RCOR1: variants seen among roughly 807,000 people sequenced by gnomAD.
RCOR1 encodes REST corepressor.
RCOR1 carries 12 observed loss-of-function variants against 64.0 expected under a neutral mutation model. That is an observed-to-expected ratio of 0.19 (90% CI 0.12 to 0.30). The LOEUF (loss-of-function observed/expected upper bound fraction) is 0.30, where lower values mean the gene tolerates loss of function less well. Ranked by LOEUF, RCOR1 falls within the 10% of genes least tolerant of loss-of-function variation. The probability of loss-of-function intolerance (pLI) is 1.00; values close to 1 mark genes in which losing one functional copy is unlikely to be tolerated. For synonymous variants in RCOR1, 279 were observed against 227.2 expected, an observed-to-expected ratio of 1.23 and a Z score of -2.05; for missense variants, 502 against 621.2, an observed-to-expected ratio of 0.81 and a Z score of 2.04.
intron 4 of RCOR1, among the ~76,000 whole-genome samples, chr14:102,705,118 A>G (rs1258526965): frequency 2.0e-5 from 3 of 151,978 alleles, no homozygotes; most frequent in Admixed American, 6.6e-5. Flanking sequence ...TATATCAACA[A>G]CAACAACAAC....
At chr14:102,654,050 A>G (rs1236929200) in intron 2 of RCOR1, among the ~76,000 whole-genome samples, 7 of 131,092 alleles carry the variant, frequency 5.3e-5, no homozygotes, top group African/African-American at 8.9e-5. Context: ...CAGTGGTGCG[A>G]TCTCCACTCA....
At chr14:102,719,168 T>C (rs942390645) in intron 8 of RCOR1, among the ~76,000 whole-genome samples, 2 of 152,008 alleles carry the variant, frequency 1.3e-5, no homozygotes, top group Non-Finnish European at 2.9e-5. Flanking sequence ...CTGCAACCCC[T>C]GCCTCCCAGA....
At chr14:102,672,899 C>T (rs1895057763) in intron 2 of RCOR1, among the ~76,000 whole-genome samples, 1 of 152,176 alleles carries the variant, frequency 6.6e-6, no homozygotes, top group South Asian at 2.1e-4. Flanking sequence ...CAGAGTAGAA[C>T]TGAAAATATA....
At chr14:102,644,037 G>C (rs1894428489) in intron 2 of RCOR1, among the ~76,000 whole-genome samples, 1 of 152,162 alleles carries the variant, frequency 6.6e-6, no homozygotes, top group Non-Finnish European at 1.5e-5. Flanking sequence ...GAGGATTTAG[G>C]AAGACATCAG....
intron 2 of RCOR1, chr14:102,649,823 G>A (rs1173178438): frequency 5.4e-5 from 53 of 973,326 alleles, no homozygotes; most frequent in Non-Finnish European, 6.5e-5. Context: ...ATTGGCATTA[G>A]GAATGATCCT....
intron 3 of RCOR1, among the ~76,000 whole-genome samples, chr14:102,693,781 C>G (rs760045304): frequency 1.3e-5 from 2 of 152,136 alleles, no homozygotes; most frequent in Non-Finnish European, 2.9e-5. Flanking sequence ...CAATTTGATG[C>G]AGGTAGCTTG....
chr14:102,714,764 C>A, intron 8 of RCOR1, 147 bp downstream of exon 8: 1 of 587,576 alleles, frequency 1.7e-6, no homozygotes, highest in South Asian at 3.0e-5. Flanking sequence ...AAGTACCAGC[C>A]CATTGTTTTT....
At chr14:102,593,421 T>C (rs1893175983) in intron 2 of RCOR1, 96 bp downstream of exon 2, 1 of 1,298,638 alleles carries the variant, frequency 7.7e-7, no homozygotes, top group Non-Finnish European at 1.0e-6. Context: ...ACAACTTTCT[T>C]TTTGTGCGTT....
At chr14:102,709,272 A>G (rs1044438110) in intron 6 of RCOR1, among the ~76,000 whole-genome samples, 2 of 152,164 alleles carry the variant, frequency 1.3e-5, no homozygotes, top group Non-Finnish European at 2.9e-5. Context: ...TGACTTCAAC[A>G]TGCGTCTTCC....
At chr14:102,677,349 CA>C (rs1895202771) in intron 2 of RCOR1, among the ~76,000 whole-genome samples, 1 of 140,630 alleles carries the variant, frequency 7.1e-6, no homozygotes, top group Admixed American at 6.7e-5. Flanking sequence ...ACCCCCCCCC[CA>C]CCTCCCTCCC....
intron 3 of RCOR1, among the ~76,000 whole-genome samples, chr14:102,696,383 A>G (rs1024768109): frequency 3.9e-5 from 6 of 152,186 alleles, no homozygotes; most frequent in African/African-American, 7.2e-5. Context: ...TCATTCACCT[A>G]TGCTCTCCAT....
At chr14:102,597,814 G>A (rs529819700) in intron 2 of RCOR1, among the ~76,000 whole-genome samples, 1 of 146,022 alleles carries the variant, frequency 6.8e-6, no homozygotes, top group South Asian at 2.1e-4. Flanking sequence ...TGGTATTTTT[G>A]CAATTTTTTT....
At chr14:102,715,832 T>G (rs1401154895) in intron 8 of RCOR1, among the ~76,000 whole-genome samples, 1 of 152,250 alleles carries the variant, frequency 6.6e-6, no homozygotes, top group East Asian at 1.9e-4. Context: ...TCATTTTATG[T>G]GCGTTTTGTT....
At chr14:102,637,703 G>A (rs1894273903) in intron 2 of RCOR1, among the ~76,000 whole-genome samples, 1 of 152,108 alleles carries the variant, frequency 6.6e-6, no homozygotes, top group Non-Finnish European at 1.5e-5. Context: ...GCCTGCCTTG[G>A]CCTCTTCAAG....
At chr14:102,693,398 TAAACAATA>T (rs1895578161) in intron 3 of RCOR1, among the ~76,000 whole-genome samples, 1 of 152,204 alleles carries the variant, frequency 6.6e-6, no homozygotes, top group African/African-American at 2.4e-5. Context: ...AATTTCAACA[TAAACAATA>T]TATTTTATAA....
intron 11 of RCOR1, among the ~76,000 whole-genome samples, chr14:102,725,201 A>G (rs1896236086): frequency 6.6e-6 from 1 of 152,238 alleles, no homozygotes; most frequent in Admixed American, 6.5e-5. Flanking sequence ...ACCAGTGAGG[A>G]GAAATCTCCT....
At chr14:102,710,090 C>T (rs768942396) in intron 6 of RCOR1, among the ~76,000 whole-genome samples, 99 of 152,162 alleles carry the variant, frequency 6.5e-4, no homozygotes, top group Non-Finnish European at 8.8e-4. Flanking sequence ...ACAAAATTCC[C>T]TTAGCCGAAG....
intron 4 of RCOR1, among the ~76,000 whole-genome samples, chr14:102,706,142 A>AAAAC (rs1281591870): frequency 7.2e-6 from 1 of 138,534 alleles, no homozygotes; most frequent in African/African-American, 2.7e-5. Context: ...AAAAAAAAAA[A>AAAAC]CCTAAAAAAA....
At chr14:102,711,556 A>T (rs1895958966) in intron 7 of RCOR1, among the ~76,000 whole-genome samples, 1 of 152,122 alleles carries the variant, frequency 6.6e-6, no homozygotes, top group Non-Finnish European at 1.5e-5. Flanking sequence ...AAGAGATTGT[A>T]GTTTCTGGAT....
Sources: gnomAD v4.1 joint callset for allele counts (sites outside exome capture counted in the v4.1 genomes callset) on GRCh38, gnomAD v4.1.1 for gene constraint, MANE v1.5 for transcripts, NCBI Gene and HGNC (gene_info 2026-07-23, HGNC 2026-07-21) for gene names.